Variants in PPHLN1 observed in about 807,000 individuals in gnomAD.
PPHLN1 encodes periphilin 1.
A neutral mutation model predicts 51.3 loss-of-function variants in PPHLN1; 29 were observed. The observed-to-expected ratio is 0.57, with a 90% CI of 0.42 to 0.77. The LOEUF (loss-of-function observed/expected upper bound fraction) is 0.77, where lower values mean the gene tolerates loss of function less well. PPHLN1 is among the 30% of genes least tolerant of loss of function. The probability of loss-of-function intolerance (pLI) is 0.00; values close to 1 mark genes in which losing one functional copy is unlikely to be tolerated. For missense variants in PPHLN1, 436 were observed against 438.4 expected, an observed-to-expected ratio of 0.99 and a Z score of 0.05; for synonymous variants, 147 against 147.8, an observed-to-expected ratio of 0.99 and a Z score of 0.04.
intron 2 of PPHLN1, among the ~76,000 whole-genome samples, chr12:42,346,774 A>T (rs1321599137): frequency 2.0e-5 from 3 of 152,134 alleles, no homozygotes; most frequent in Non-Finnish European, 4.4e-5. Flanking sequence ...TGTCTTTCTG[A>T]CCATAGCCAT....
At chr12:42,393,298 GTC>G (rs1467387826) in intron 7 of PPHLN1, among the ~76,000 whole-genome samples, 1 of 152,060 alleles carries the variant, frequency 6.6e-6, no homozygotes, top group African/African-American at 2.4e-5. Flanking sequence ...TGAGTTAATT[GTC>G]AGTGTCTTTT....
chr12:42,408,196 T>C (rs2079487170), intron 9 of PPHLN1, among the ~76,000 whole-genome samples: 1 of 152,082 alleles, frequency 6.6e-6, no homozygotes, highest in African/African-American at 2.4e-5. Context: ...TCTGCAGCTT[T>C]TCTTTTAACA....
intron 9 of PPHLN1, among the ~76,000 whole-genome samples, chr12:42,423,280 G>A (rs1042075965): frequency 6.6e-6 from 1 of 152,006 alleles, no homozygotes; most frequent in Non-Finnish European, 1.5e-5. Flanking sequence ...AGTATTTATG[G>A]ATTTTCCCCA....
At chr12:42,399,949 A>G (rs1442283803) in intron 9 of PPHLN1, 1 of 152,204 alleles carries the variant, frequency 6.6e-6, no homozygotes, top group Non-Finnish European at 1.5e-5. Flanking sequence ...TACCAATTAA[A>G]TGAGAGCATA....
intron 8 of PPHLN1, among the ~76,000 whole-genome samples, chr12:42,395,271 T>G (rs530428825): frequency 2.0e-5 from 3 of 152,180 alleles, no homozygotes; most frequent in Admixed American, 1.3e-4. Flanking sequence ...AGGTCAGACG[T>G]GTTCTTTTGT....
At chr12:42,393,469 G>T in intron 7 of PPHLN1, 101 bp from the exon 8 acceptor site, 1 of 1,155,196 alleles carries the variant, frequency 8.7e-7, no homozygotes, top group South Asian at 2.0e-5. Context: ...TAGAAATTTG[G>T]AGGCTTATAT....
At chr12:42,327,478 C>T (rs968043179) in intron 1 of PPHLN1, among the ~76,000 whole-genome samples, 11 of 152,196 alleles carry the variant, frequency 7.2e-5, no homozygotes, top group Non-Finnish European at 1.5e-4. Flanking sequence ...TTCACAAAGG[C>T]TCTTTTCTCT....
intron 9 of PPHLN1, among the ~76,000 whole-genome samples, chr12:42,406,543 G>A (rs2079328715): frequency 6.6e-6 from 1 of 152,178 alleles, no homozygotes; most frequent in Admixed American, 6.5e-5. Flanking sequence ...GCTGAGGACT[G>A]TTTCCTGTGG....
intron 9 of PPHLN1, among the ~76,000 whole-genome samples, chr12:42,426,211 CACACACACACACACA>C (rs1566010201): frequency 6.9e-6 from 1 of 144,782 alleles, no homozygotes; most frequent in African/African-American, 2.8e-5. Context: ...CACACACACA[CACACACACACACACA>C]CACCCTCATG....
chr12:42,422,165 A>T (rs2081064683), intron 9 of PPHLN1, among the ~76,000 whole-genome samples: 1 of 152,224 alleles, frequency 6.6e-6, no homozygotes, highest in Non-Finnish European at 1.5e-5. Flanking sequence ...ATTTTTACAA[A>T]TGATTTAGTG....
chr12:42,400,757 GTCTCTCTCTCTCTCTCTTTCTC>G (rs1234698200), intron 9 of PPHLN1, among the ~76,000 whole-genome samples: 4 of 140,590 alleles, frequency 2.8e-5, no homozygotes, highest in Non-Finnish European at 6.2e-5. Context: ...GCGAGACCCT[GTCTCTCTCTCTCTCTCTTTCTC>G]TCTCTCTCTC....
chr12:42,415,143 C>T (rs976474941), intron 9 of PPHLN1, among the ~76,000 whole-genome samples: 4 of 152,116 alleles, frequency 2.6e-5, no homozygotes, highest in African/African-American at 9.7e-5. Context: ...AGACCACAGG[C>T]CAAAATCTGT....
At chr12:42,418,715 G>GT (rs1419749329) in intron 9 of PPHLN1, among the ~76,000 whole-genome samples, 1 of 152,056 alleles carries the variant, frequency 6.6e-6, no homozygotes, top group Non-Finnish European at 1.5e-5. Context: ...AATCTAAGTA[G>GT]TTCTCCATCA....
chr12:42,391,950 C>T (rs1183517031), intron 7 of PPHLN1, among the ~76,000 whole-genome samples: 3 of 152,170 alleles, frequency 2.0e-5, no homozygotes, highest in African/African-American at 7.2e-5. Flanking sequence ...GGCACGTTGG[C>T]TCATGCTTGT....
In PPHLN1 at chr12:42,441,872, C is replaced by T. The variant is rs888930976; in HGVS notation, c.*363C>T. ...GAATTCTGAGTTGTGATTTTATTGA[C>T]TTGTTGCTTGCTTTTTCTTAGGCTT... On this transcript the variant is annotated 3_prime_UTR_variant, in exon 10 of 10. Coordinates refer to ENST00000358314, the MANE Select transcript of PPHLN1 (RefSeq NM_201439.2). The T allele has an allele frequency of 4.0e-6, 4 of 1,004,298 alleles. No homozygotes were observed. In the African/African-American group the frequency reaches 6.9e-5, roughly 17 times the overall value. The allele number at this position is 1,004,298 out of a possible 1,614,324, so 62.2% of individuals were successfully genotyped here. A position where few individuals can be genotyped will look rare whatever the true frequency, so the allele number is the denominator to read the frequency against.
chr12:42,361,200 C>G (rs2074638996), intron 4 of PPHLN1: 1 of 152,468 alleles, frequency 6.6e-6, no homozygotes, highest in Non-Finnish European at 1.5e-5. Context: ...AGAGCTTGCT[C>G]TCCACCATGT....
chr12:42,334,074 A>C (rs1027300885), intron 1 of PPHLN1, among the ~76,000 whole-genome samples: 2 of 152,132 alleles, frequency 1.3e-5, no homozygotes, highest in East Asian at 3.9e-4. Context: ...CTGTATCTTA[A>C]AAAGGATAAA....
intron 9 of PPHLN1, among the ~76,000 whole-genome samples, chr12:42,426,905 G>A (rs1176628814): frequency 3.9e-5 from 6 of 152,188 alleles, no homozygotes; most frequent in Admixed American, 3.9e-4. Flanking sequence ...GAGCTGGGAA[G>A]GAAGTGGAGG....
chr12:42,399,023 A>C, intron 9 of PPHLN1, 29 bp downstream of exon 9: 1 of 1,607,582 alleles, frequency 6.2e-7, no homozygotes, highest in Non-Finnish European at 8.5e-7. Context: ...TCATGTACAT[A>C]ATTTTTGTTT....
Sources: allele counts gnomAD v4.1 joint callset (sites outside exome capture counted in the v4.1 genomes callset), GRCh38; gene constraint gnomAD v4.1.1; transcripts MANE v1.5; gene names NCBI Gene and HGNC (gene_info 2026-07-23, HGNC 2026-07-21).